EPHA5: variants seen among roughly 807,000 people sequenced by gnomAD.
EPHA5 encodes the protein ephrin type-A receptor 5.
EPHA5 carries 60 observed loss-of-function variants against 105.0 expected under a neutral mutation model. That is an observed-to-expected ratio of 0.57 (90% CI 0.46 to 0.71). The LOEUF (loss-of-function observed/expected upper bound fraction) is 0.71. Ranked by LOEUF, EPHA5 falls within the 30% of genes least tolerant of loss-of-function variation. EPHA5 has a pLI of 0.00. For synonymous variants in EPHA5, 513 were observed against 449.1 expected (o/e 1.14, Z -1.80); for missense variants, 1,218 against 1,274.7 (o/e 0.96, Z 0.68).
intron 2 of EPHA5, among the ~76,000 whole-genome samples, chr4:65,620,581 C>A (rs1247160773): frequency 6.6e-6 from 1 of 152,126 alleles, no homozygotes; most frequent in African/African-American, 2.4e-5. Context: ...GTTGATTCTT[C>A]TTTTCACATT....
intron 3 of EPHA5, among the ~76,000 whole-genome samples, chr4:65,564,099 T>G (rs1312167600): frequency 6.6e-6 from 1 of 151,940 alleles, no homozygotes; most frequent in East Asian, 1.9e-4. Flanking sequence ...AAAAATGATT[T>G]CTTTGAGGCC....
chr4:65,654,501 G>A (rs898506261), intron 1 of EPHA5, among the ~76,000 whole-genome samples: 2 of 151,388 alleles, frequency 1.3e-5, no homozygotes, highest in African/African-American at 4.8e-5. Context: ...AAAACAGGAA[G>A]TATCTTGATT....
At chr4:65,458,477 A>G (rs749248168) in intron 5 of EPHA5, among the ~76,000 whole-genome samples, 3 of 152,118 alleles carry the variant, frequency 2.0e-5, no homozygotes, top group African/African-American at 4.8e-5. Context: ...TCCAAATCCT[A>G]CACACAATTG....
chr4:65,635,915 G>A (rs561940880), intron 2 of EPHA5, among the ~76,000 whole-genome samples: 94 of 152,216 alleles, frequency 6.2e-4, no homozygotes, highest in Non-Finnish European at 1.2e-3. Context: ...AAGATAAAGA[G>A]GGAGGAAAGC....
intron 6 of EPHA5, 43 bp downstream of exon 6, chr4:65,420,398 A>C: frequency 6.6e-7 from 1 of 1,520,942 alleles, no homozygotes; most frequent in African/African-American, 1.4e-5. Context: ...CTAAAATGAA[A>C]AAAAAAAGAA....
At chr4:65,490,810 T>C in intron 4 of EPHA5, 98 bp from the exon 5 acceptor site, 1 of 1,222,264 alleles carries the variant, frequency 8.2e-7, no homozygotes, top group Non-Finnish European at 1.1e-6. Context: ...AAAAATAGAT[T>C]TGCAATAAGT....
At chr4:65,657,408 G>A (rs1415957734) in intron 1 of EPHA5, among the ~76,000 whole-genome samples, 2 of 152,140 alleles carry the variant, frequency 1.3e-5, no homozygotes, top group Non-Finnish European at 2.9e-5. Context: ...TGGGAAAGCT[G>A]TAGTTGATTA....
At chr4:65,426,109 A>C (rs985554223) in intron 5 of EPHA5, among the ~76,000 whole-genome samples, 4 of 152,088 alleles carry the variant, frequency 2.6e-5, no homozygotes, top group African/African-American at 7.2e-5. Flanking sequence ...TTCATGCTGT[A>C]ATTTTGTCAC....
intron 2 of EPHA5, among the ~76,000 whole-genome samples, chr4:65,632,844 C>T (rs1476157244): frequency 6.6e-6 from 1 of 151,906 alleles, no homozygotes; most frequent in African/African-American, 2.4e-5. Context: ...TGTTGTATAA[C>T]TTGAGCTGTA....
intron 2 of EPHA5, among the ~76,000 whole-genome samples, chr4:65,633,911 C>G (rs1244563275): frequency 6.6e-6 from 1 of 151,990 alleles, no homozygotes; most frequent in Non-Finnish European, 1.5e-5. Flanking sequence ...GGATGCAAAA[C>G]TAGACAAAGT....
chr4:65,459,142 C>T (rs1727887884), intron 5 of EPHA5, among the ~76,000 whole-genome samples: 1 of 152,012 alleles, frequency 6.6e-6, no homozygotes, highest in South Asian at 2.1e-4. Flanking sequence ...TTGTGTTACA[C>T]ACATTCAAGG....
At chr4:65,620,107 G>GTTATATAT (rs1560782382) in intron 2 of EPHA5, among the ~76,000 whole-genome samples, 10 of 62,682 alleles carry the variant, frequency 1.6e-4, no homozygotes, top group African/African-American at 5.4e-4. Context: ...TTTGGACTCA[G>GTTATATAT]GTATATATAT....
intron 5 of EPHA5, among the ~76,000 whole-genome samples, chr4:65,421,837 A>G (rs1295319312): frequency 1.3e-5 from 2 of 152,102 alleles, no homozygotes; most frequent in East Asian, 3.9e-4. Context: ...GAATTGATGG[A>G]TGGATGGATG....
intron 3 of EPHA5, among the ~76,000 whole-genome samples, chr4:65,579,069 C>T (rs1201629426): frequency 6.6e-6 from 1 of 151,582 alleles, no homozygotes; most frequent in African/African-American, 2.4e-5. Context: ...ATAAAAATAG[C>T]TATATGAAGA....
intron 3 of EPHA5, among the ~76,000 whole-genome samples, chr4:65,570,433 GTT>G (rs76276250): frequency 1.0e-4 from 15 of 147,030 alleles, no homozygotes; most frequent in East Asian, 5.9e-4. Context: ...GATGGCCTTG[GTT>G]TTTTTTTTTC....
At chr4:65,650,373 C>G (rs1160329385) in intron 1 of EPHA5, among the ~76,000 whole-genome samples, 1 of 133,336 alleles carries the variant, frequency 7.5e-6, no homozygotes, top group African/African-American at 2.8e-5. Flanking sequence ...CAGTGAAACC[C>G]GGTGTGTACT....
chr4:65,380,335 A>C (rs1276705912), intron 8 of EPHA5, among the ~76,000 whole-genome samples: 1 of 151,848 alleles, frequency 6.6e-6, no homozygotes, highest in East Asian at 1.9e-4. Flanking sequence ...ATATGATAGC[A>C]TAATCTTTTC....
At chr4:65,514,063 T>C (rs886890552) in intron 3 of EPHA5, among the ~76,000 whole-genome samples, 1 of 152,184 alleles carries the variant, frequency 6.6e-6, no homozygotes, top group Admixed American at 6.5e-5. Context: ...AACAAACATA[T>C]GGCTTTGTCC....
chr4:65,449,052 C>T (rs75476012), intron 5 of EPHA5, among the ~76,000 whole-genome samples: 5,795 of 151,788 alleles, frequency 0.038, 140 homozygotes, highest in Admixed American at 0.067. Flanking sequence ...TAAGAAATAA[C>T]GTAACAAAAA....
Sources: gnomAD v4.1 joint callset for allele counts (sites outside exome capture counted in the v4.1 genomes callset) on GRCh38, gnomAD v4.1.1 for gene constraint, MANE v1.5 for transcripts, NCBI Gene and HGNC (gene_info 2026-07-23, HGNC 2026-07-21) for gene names.